The following DNAH3 variants were observed in gnomAD, a reference collection of about 807,000 sequenced individuals.
DNAH3 encodes the protein dynein axonemal heavy chain 3.
Under a neutral mutation model 432.5 loss-of-function variants are expected in DNAH3, and 332 were observed. That is an observed-to-expected ratio of 0.77 (90% CI 0.70 to 0.84). DNAH3 has a LOEUF of 0.84. Among genes scored for constraint, DNAH3 ranks in the 40% least tolerant of loss-of-function variants. The pLI, the probability that DNAH3 is intolerant of heterozygous loss-of-function variation, is 0.00. For synonymous variants in DNAH3, 1,956 were observed against 1,900.2 expected, an observed-to-expected ratio of 1.03 and a Z score of -0.76; for missense variants, 4,861 against 5,114.0, an observed-to-expected ratio of 0.95 and a Z score of 1.51.
At chr16:21,063,023 T>C in intron 24 of DNAH3, 1 of 215,146 alleles carries the variant, frequency 4.6e-6, no homozygotes, top group Non-Finnish European at 9.3e-6. Context: ...CCACACTTGA[T>C]CTTAGTCAAA....
chr16:20,994,893 A>G (rs1015476563), intron 44 of DNAH3, among the ~76,000 whole-genome samples: 6 of 151,090 alleles, frequency 4.0e-5, no homozygotes, highest in African/African-American at 1.5e-4. Context: ...CTACAGCATT[A>G]TTTGCCGTGT....
exon 7 of DNAH3, chr16:21,134,279 C>G (rs141077519): frequency 6.2e-6 from 10 of 1,611,812 alleles, no homozygotes; most frequent in Non-Finnish European, 8.5e-6. Context: ...ACAGTTCTTT[C>G]AGCCTGAGCA....
chr16:21,144,910 G>A (rs891183231), intron 3 of DNAH3, among the ~76,000 whole-genome samples: 2 of 151,954 alleles, frequency 1.3e-5, no homozygotes, highest in Non-Finnish European at 2.9e-5. Context: ...CTGAGGTCAG[G>A]AGTTTGAGAC....
At chr16:21,116,495 ACCGACCATAAGTTT>A (rs1161302122) in intron 12 of DNAH3, among the ~76,000 whole-genome samples, 1 of 151,944 alleles carries the variant, frequency 6.6e-6, no homozygotes, top group African/African-American at 2.4e-5. Context: ...GCCACGACCG[ACCGACCATAAGTTT>A]CCTGAGGCCA....
chr16:21,071,523 C>A (rs2090780916), intron 21 of DNAH3, among the ~76,000 whole-genome samples: 1 of 152,164 alleles, frequency 6.6e-6, no homozygotes, highest in Admixed American at 6.5e-5. Flanking sequence ...GCTCAGAACT[C>A]CACTCTCATG....
chr16:20,957,743 G>A (rs2084627622), intron 54 of DNAH3, among the ~76,000 whole-genome samples: 1 of 139,878 alleles, frequency 7.1e-6, no homozygotes, highest in Admixed American at 8.0e-5. Context: ...GGAGGCAGAG[G>A]TCACAGTGAG....
chr16:21,120,058 C>T (rs2057025533), intron 11 of DNAH3, among the ~76,000 whole-genome samples: 1 of 150,864 alleles, frequency 6.6e-6, no homozygotes, highest in African/African-American at 2.4e-5. Context: ...ATGCTATTTA[C>T]TCTATTTTCT....
chr16:20,985,368 A>G lies in DNAH3; in HGVS notation c.7374T>C (p.Ile2458=), dbSNP rs1330778881. 3.1e-6 allele frequency: 5 copies of G among 1,613,674 alleles called. No homozygotes were observed. In the Admixed American group the frequency reaches 8.3e-5, roughly 27 times the overall value. Residue 2458 remains isoleucine (I), a synonymous_variant, in exon 48 of 62, where the codon ATT becomes ATC. Coordinates refer to ENST00000261383, the Ensembl canonical transcript of DNAH3. ...TGCCTGCGTAGTTCTTGGTGATCTC[A>G]ATCTGGTATAGCTCGTATGCGTTCA...
chr16:21,131,454 A>G (rs34182038), intron 7 of DNAH3, among the ~76,000 whole-genome samples: 3,929 of 84,140 alleles, frequency 0.047, 351 homozygotes, highest in African/African-American at 0.14. Context: ...AAAGAAGGAA[A>G]GAAAGGAAGG....
At chr16:21,136,391 C>T in exon 6 of DNAH3, 1 of 1,614,070 alleles carries the variant, frequency 6.2e-7, no homozygotes, top group Non-Finnish European at 8.5e-7. Flanking sequence ...CCATCAGGGG[C>T]TCCAGGAAGG....
chr16:21,080,305 A>G (rs536165743), intron 20 of DNAH3, among the ~76,000 whole-genome samples: 3 of 152,122 alleles, frequency 2.0e-5, no homozygotes, highest in African/African-American at 7.2e-5. Context: ...TCCAAAATAA[A>G]ATAAGATAAA....
At chr16:20,961,083 A>T (rs2084797062) in intron 53 of DNAH3, among the ~76,000 whole-genome samples, 1 of 152,176 alleles carries the variant, frequency 6.6e-6, no homozygotes, top group Non-Finnish European at 1.5e-5. Flanking sequence ...AAAAACCTAC[A>T]CGAGGAAGTA....
chr16:21,116,320 G>A (rs528523908), intron 12 of DNAH3, among the ~76,000 whole-genome samples: 20 of 152,022 alleles, frequency 1.3e-4, no homozygotes, highest in African/African-American at 3.1e-4. Context: ...GGAAGGACTC[G>A]GTGGGAGGTA....
Position 21,034,452 on chromosome 16 carries a change from C to A in DNAH3, c.5086-367G>T, listed in dbSNP as rs577445122. 2.0e-5 allele frequency among the ~76,000 whole-genome samples: 3 copies of A among 152,256 alleles called. No homozygotes were observed. In the South Asian group the frequency reaches 6.2e-4, roughly 32 times the overall value. On this transcript the variant is annotated intron_variant, in intron 35 of 61. Transcript: ENST00000261383. ...TTGCCCAAGTTCATCAGTGATGGAGCCAGAATTTGCAGACAGGGCTATTTG... is the reference window on the plus strand; with the variant it reads ...TTGCCCAAGTTCATCAGTGATGGAGACAGAATTTGCAGACAGGGCTATTTG...
At chr16:21,040,358 ATTTTTTTTTT>A (rs55797285) in intron 32 of DNAH3, among the ~76,000 whole-genome samples, 6 of 79,712 alleles carry the variant, frequency 7.5e-5, no homozygotes, top group East Asian at 8.6e-4. Flanking sequence ...AGCCAGACAG[ATTTTTTTTTT>A]TTTTTTTTTT....
chr16:21,153,489 C>T (rs1175635169), intron 1 of DNAH3, among the ~76,000 whole-genome samples: 1 of 152,198 alleles, frequency 6.6e-6, no homozygotes, highest in South Asian at 2.1e-4. Flanking sequence ...CTCTACCAAT[C>T]AGCAGGATGT....
At chr16:21,083,078 G>T (rs905743441) in intron 19 of DNAH3, among the ~76,000 whole-genome samples, 1 of 150,516 alleles carries the variant, frequency 6.6e-6, no homozygotes, top group African/African-American at 2.4e-5. Flanking sequence ...GTGCCATGGC[G>T]CAATCTCGGC....
exon 7 of DNAH3, chr16:21,134,371 G>A (rs757942787): frequency 8.7e-6 from 14 of 1,614,020 alleles, no homozygotes; most frequent in African/African-American, 1.3e-5. Flanking sequence ...ACAGGGGCCC[G>A]GATCACTCTT....
intron 11 of DNAH3, among the ~76,000 whole-genome samples, chr16:21,118,583 C>T (rs573260761): frequency 1.3e-5 from 2 of 152,122 alleles, no homozygotes; most frequent in Non-Finnish European, 2.9e-5. Flanking sequence ...CAGGTGCCTG[C>T]GACCATGCCT....
Sources: allele counts gnomAD v4.1 joint callset (sites outside exome capture counted in the v4.1 genomes callset), GRCh38; gene constraint gnomAD v4.1.1; transcripts MANE v1.5; gene names NCBI Gene and HGNC (gene_info 2026-07-23, HGNC 2026-07-21).